DYSF: variants seen among roughly 807,000 people sequenced by gnomAD.
The protein encoded by DYSF is dysferlin, also known as dystrophy-associated fer-1-like 1.
Under a neutral mutation model 274.9 loss-of-function variants are expected in DYSF, and 212 were observed. That is an observed-to-expected ratio of 0.77 (90% confidence interval 0.69 to 0.86). The LOEUF is 0.86. DYSF is among the 40% of genes least tolerant of loss of function. DYSF has a pLI of 0.00. For missense variants in DYSF, 2,666 were observed against 2,783.2 expected (o/e 0.96, Z 0.95); for synonymous variants, 1,091 against 1,078.7 (o/e 1.01, Z -0.22).
intron 1 of DYSF, among the ~76,000 whole-genome samples, chr2:71,475,245 G>T (rs1379623448): frequency 2.0e-5 from 3 of 152,190 alleles, no homozygotes; most frequent in African/African-American, 7.2e-5. Flanking sequence ...AAGTCTTGGG[G>T]CGTTCCCTGG....
chr2:71,600,093 C>T (rs375541944), intron 33 of DYSF, among the ~76,000 whole-genome samples: 34 of 152,058 alleles, frequency 2.2e-4, no homozygotes, highest in African/African-American at 6.0e-4. Context: ...GGGAGGGCAG[C>T]GGTATGAGCT....
chr2:71,601,261 A>G (rs2152859629), intron 34 of DYSF: 1 of 631,962 alleles, frequency 1.6e-6, no homozygotes, highest in East Asian at 2.8e-5. Context: ...TGTACCTTCA[A>G]ACTTCCTCTT....
intron 4 of DYSF, among the ~76,000 whole-genome samples, chr2:71,506,983 G>A (rs1257049055): frequency 1.3e-5 from 2 of 152,030 alleles, no homozygotes; most frequent in African/African-American, 4.8e-5. Context: ...TTGGTGTGGA[G>A]CTGTCGGTGT....
At chr2:71,637,926 C>T (rs1467158008) in intron 41 of DYSF, among the ~76,000 whole-genome samples, 1 of 151,998 alleles carries the variant, frequency 6.6e-6, no homozygotes, top group Non-Finnish European at 1.5e-5. Flanking sequence ...ACTGAGCAGC[C>T]GGCCAGCTGG....
intron 43 of DYSF, among the ~76,000 whole-genome samples, chr2:71,657,310 C>G (rs2094793530): frequency 6.6e-6 from 1 of 152,138 alleles, no homozygotes; most frequent in Non-Finnish European, 1.5e-5. Context: ...TCTTGGGCAG[C>G]TCTGCCTCTG....
intron 41 of DYSF, among the ~76,000 whole-genome samples, chr2:71,634,257 C>T (rs1002194210): frequency 2.0e-5 from 3 of 152,172 alleles, no homozygotes; most frequent in Non-Finnish European, 4.4e-5. Flanking sequence ...TCTTTTTCCT[C>T]CTTGCCATGT....
intron 6 of DYSF, 101 bp from the exon 7 acceptor site, chr2:71,513,615 C>T (rs994005754): frequency 2.6e-5 from 32 of 1,215,282 alleles, no homozygotes; most frequent in Admixed American, 5.7e-5. Flanking sequence ...GTCTTAGGGC[C>T]CATGCCTTTT....
At chr2:71,478,831 T>TC (rs1491091265) in intron 1 of DYSF, among the ~76,000 whole-genome samples, 56 of 151,908 alleles carry the variant, frequency 3.7e-4, no homozygotes, top group African/African-American at 1.1e-3. Flanking sequence ...ACGTGCTCTC[T>TC]TTCTCTTTTT....
chr2:71,493,383 AC>A (rs1160869391), intron 3 of DYSF, among the ~76,000 whole-genome samples: 6 of 152,254 alleles, frequency 3.9e-5, no homozygotes, highest in African/African-American at 1.4e-4. Context: ...GTCTTTCATG[AC>A]AATTTACAGT....
chr2:71,655,602 G>A (rs182093841), intron 42 of DYSF, among the ~76,000 whole-genome samples: 4 of 152,350 alleles, frequency 2.6e-5, no homozygotes, highest in Admixed American at 2.0e-4. Context: ...GAGCTAACAA[G>A]TTTAAAGTGA....
intron 48 of DYSF, 131 bp from the exon 49 acceptor site, chr2:71,668,623 G>A: frequency 2.4e-6 from 2 of 829,562 alleles, no homozygotes; most frequent in East Asian, 2.7e-5. Flanking sequence ...CCCTGTTTAG[G>A]GCAGTGAGGC....
chr2:71,546,775 C>T (rs2090509826), intron 17 of DYSF, among the ~76,000 whole-genome samples: 1 of 152,264 alleles, frequency 6.6e-6, no homozygotes, highest in Non-Finnish European at 1.5e-5. Flanking sequence ...CAGCAGTTTT[C>T]AGTTTCTCCT....
intron 1 of DYSF, among the ~76,000 whole-genome samples, chr2:71,472,507 C>T (rs548824268): frequency 3.9e-5 from 6 of 152,034 alleles, no homozygotes; most frequent in South Asian, 2.1e-4. Flanking sequence ...CCCGGGTTCA[C>T]GCCATTCTCC....
At chr2:71,620,664 G>A in intron 41 of DYSF, 55 bp downstream of exon 41, 1 of 1,285,406 alleles carries the variant, frequency 7.8e-7, no homozygotes, top group Non-Finnish European at 1.1e-6. Flanking sequence ...GGGGCTGGGG[G>A]TAGGGGGGTT....
intron 29 of DYSF, among the ~76,000 whole-genome samples, chr2:71,571,146 C>A (rs1574068832): frequency 2.0e-5 from 3 of 150,978 alleles, no homozygotes; most frequent in Admixed American, 2.0e-4. Context: ...CCAGCGCATG[C>A]ACAGATCACA....
At chr2:71,502,297 G>A (rs1470831068) in intron 3 of DYSF, among the ~76,000 whole-genome samples, 3 of 152,100 alleles carry the variant, frequency 2.0e-5, no homozygotes, top group Admixed American at 6.6e-5. Flanking sequence ...CAGGTGTGCT[G>A]TTCATCCATC....
intron 3 of DYSF, among the ~76,000 whole-genome samples, chr2:71,498,043 A>C (rs4309601): frequency 0.41 from 61,735 of 151,960 alleles, 13,938 homozygotes; most frequent in Non-Finnish European, 0.51. Context: ...ACCCCCAATA[A>C]AACTTGATTG....
chr2:71,520,353 C>A, intron 11 of DYSF, 145 bp downstream of exon 11: 1 of 953,504 alleles, frequency 1.0e-6, no homozygotes, highest in Non-Finnish European at 1.7e-6. Context: ...GCAGGTCATT[C>A]ATCCTCCATG....
At chr2:71,679,275 G>A (rs1384717835) in intron 53 of DYSF, 40 bp downstream of exon 53, 2 of 1,596,884 alleles carry the variant, frequency 1.3e-6, no homozygotes, top group African/African-American at 1.3e-5. Context: ...GGGCATGGGG[G>A]AAGCTTCTTC....
Sources: gnomAD v4.1 joint callset for allele counts (sites outside exome capture counted in the v4.1 genomes callset) on GRCh38, gnomAD v4.1.1 for gene constraint, MANE v1.5 for transcripts, NCBI Gene and HGNC (gene_info 2026-07-23, HGNC 2026-07-21) for gene names.